The following GPR139 variants were observed in gnomAD, a reference collection of about 807,000 sequenced individuals.
GPR139 encodes probable G protein-coupled receptor 139.
In GPR139, 12 loss-of-function variants were observed where a neutral mutation model predicts 25.8. The observed-to-expected ratio is 0.47, with a 90% CI of 0.30 to 0.75. GPR139 has a LOEUF of 0.75. GPR139 is among the 30% of genes least tolerant of loss of function. GPR139 has a pLI of 0.07. For missense variants in GPR139, 380 were observed against 450.2 expected (o/e 0.84, Z 1.41); for synonymous variants, 184 against 179.9 (o/e 1.02, Z -0.18).
Position 20,031,971 on chromosome 16 carries a change from G to C in GPR139, c.826C>G (p.Leu276Val). 1 of 1,614,224 alleles carries C rather than the reference G, an allele frequency of 6.2e-7. No homozygotes were observed. The highest frequency in any genetic ancestry group is 8.5e-7 in the Non-Finnish European group (1 of 1,180,042). Residue 276 changes from leucine to valine, a missense_variant, in exon 2 of 2, where the codon CTG (leucine) becomes GTG (valine). Physicochemically the swap from Leu to Val is conservative, Grantham distance 32. Coordinates refer to ENST00000570682, the MANE Select transcript of GPR139 (RefSeq NM_001002911.4). ...AGGAAGAAGTTGATGGCTGTGTTCAGAAGGGCTAGCATGTTGGCAATGTCG... is the reference window on the plus strand; with the variant it reads ...AGGAAGAAGTTGATGGCTGTGTTCACAAGGGCTAGCATGTTGGCAATGTCG... ...MSDIANMLAL[L>V]NTAINFFLYC...
At chr16:20,044,402 C>T (rs933117622) in intron 1 of GPR139, among the ~76,000 whole-genome samples, 4 of 152,200 alleles carry the variant, frequency 2.6e-5, no homozygotes, top group African/African-American at 4.8e-5. Context: ...AGCCATCTTC[C>T]TTCTTAAGAC....
At chr16:20,033,007 C>T (rs1331996608) in intron 1 of GPR139, among the ~76,000 whole-genome samples, 1 of 151,378 alleles carries the variant, frequency 6.6e-6, no homozygotes, top group African/African-American at 2.4e-5. Context: ...CCGCCATTCT[C>T]CTCACACAAC....
At chr16:20,065,291 C>T (rs750917755) in intron 1 of GPR139, among the ~76,000 whole-genome samples, 1 of 152,146 alleles carries the variant, frequency 6.6e-6, no homozygotes, top group African/African-American at 2.4e-5. Context: ...ATTTTTTGAA[C>T]AACTTGGCAA....
intron 1 of GPR139, among the ~76,000 whole-genome samples, chr16:20,052,468 A>G (rs1445499121): frequency 6.6e-6 from 1 of 152,220 alleles, no homozygotes; most frequent in Non-Finnish European, 1.5e-5. Flanking sequence ...CGATTCTATA[A>G]CTTTTTCTTC....
chr16:20,063,625 A>G (rs1008197895), intron 1 of GPR139, among the ~76,000 whole-genome samples: 2 of 152,248 alleles, frequency 1.3e-5, no homozygotes, highest in African/African-American at 4.8e-5. Context: ...AAGAGATTCA[A>G]TGCTACAGAC....
intron 1 of GPR139, among the ~76,000 whole-genome samples, chr16:20,057,337 T>C (rs967601066): frequency 2.6e-5 from 4 of 152,194 alleles, no homozygotes; most frequent in African/African-American, 9.6e-5. Context: ...TAAGGCAACA[T>C]GGAGCAACAT....
At chr16:20,041,197 GGAGGA>G (rs2057331424) in intron 1 of GPR139, among the ~76,000 whole-genome samples, 1 of 216 alleles carries the variant, frequency 4.6e-3, no homozygotes, top group South Asian at 0.083. Context: ...GGAGGGGAGG[GGAGGA>G]GAGGAGAGGA....
chr16:20,060,024 C>A (rs1476062111), intron 1 of GPR139, among the ~76,000 whole-genome samples: 1 of 152,120 alleles, frequency 6.6e-6, no homozygotes, highest in Admixed American at 6.5e-5. Context: ...GGGATGCCCA[C>A]CCCGACCCTC....
chr16:20,040,752 G>A (rs755257591), intron 1 of GPR139, among the ~76,000 whole-genome samples: 5 of 152,076 alleles, frequency 3.3e-5, no homozygotes, highest in Non-Finnish European at 5.9e-5. Context: ...AAGAGCTCAC[G>A]TTGGAGGCTA....
At chr16:20,060,443 C>G (rs1206000524) in intron 1 of GPR139, among the ~76,000 whole-genome samples, 1 of 151,504 alleles carries the variant, frequency 6.6e-6, no homozygotes, top group Non-Finnish European at 1.5e-5. Flanking sequence ...CTGTGTGGGT[C>G]TGCATCTGTG....
chr16:20,067,458 C>G (rs1902816), intron 1 of GPR139, among the ~76,000 whole-genome samples: 5,540 of 152,196 alleles, frequency 0.036, 306 homozygotes, highest in African/African-American at 0.12. Flanking sequence ...TGCCTAAGGA[C>G]GAGTCATGCA....
At chr16:20,043,795 AC>A (rs1444689612) in intron 1 of GPR139, among the ~76,000 whole-genome samples, 1 of 152,166 alleles carries the variant, frequency 6.6e-6, no homozygotes, top group Admixed American at 6.5e-5. Context: ...TGTCACAAAG[AC>A]AGATGGGGTC....
chr16:20,033,171 T>G lies in GPR139; in HGVS notation c.128-502A>C, dbSNP rs560535326. On this transcript the variant is annotated intron_variant, in intron 1 of 1. Transcript: ENST00000570682. ...CCTCACACAACCATGGAAGGTGGTG[T>G]TGCCATTCTCCTCACACAACCATGA... Among the ~76,000 whole-genome samples the G allele has an allele frequency of 3.3e-3, 414 of 126,146 alleles. 3 individuals are homozygous for G. The highest frequency in any genetic ancestry group is 4.0e-3 in the Non-Finnish European group (246 of 61,212). 82.8% of individuals were successfully genotyped at this position (126,146 alleles called of 152,430 possible).
At position 20,058,461 on chromosome 16, in the gene GPR139, T is replaced by C. The variant is rs556218020; in HGVS notation, c.127+15029A>G. Among the ~76,000 whole-genome samples, 5 of 152,196 alleles carry C rather than the reference T, an allele frequency of 3.3e-5. No homozygotes were observed. The South Asian group carries it at 8.3e-4, about 25-fold the overall frequency. On this transcript the variant is annotated intron_variant, in intron 1 of 1. Coordinates refer to ENST00000570682, the MANE Select transcript of GPR139 (RefSeq NM_001002911.4). ...AGAAGCGAGAGAAACAGATCAGGTG[T>C]AAGAAAAATCTTTGTGTTGGTGGAG...
chr16:20,065,030 C>T (rs560824617), intron 1 of GPR139, among the ~76,000 whole-genome samples: 3 of 152,230 alleles, frequency 2.0e-5, no homozygotes, highest in African/African-American at 2.4e-5. Flanking sequence ...TGTTTTTCCT[C>T]GATCCTCCCT....
At chr16:20,062,986 A>G (rs912674994) in intron 1 of GPR139, among the ~76,000 whole-genome samples, 5 of 152,228 alleles carry the variant, frequency 3.3e-5, no homozygotes, top group African/African-American at 1.2e-4. Flanking sequence ...TGTGTGATTG[A>G]AAGAGTAGAT....
At position 20,028,719 on chromosome 16, in the gene GPR139, C is replaced by A. The variant is rs9972722; in HGVS notation, c.*3016G>T. Among the ~76,000 whole-genome samples, 1,803 of 152,268 alleles carry A rather than the reference C, an allele frequency of 0.012. 27 individuals are homozygous for A. The highest frequency in any genetic ancestry group is 0.041 in the African/African-American group (1,699 of 41,550). ...TTTCCTTCCCCATGAGACATTTCAG[C>A]CGTCAAGTTGTTCAATAAAAAGACA... On this transcript the variant is annotated 3_prime_UTR_variant, in exon 2 of 2. Coordinates refer to ENST00000570682, the MANE Select transcript of GPR139 (RefSeq NM_001002911.4).
chr16:20,072,829 G>A (rs1207420633), intron 1 of GPR139, among the ~76,000 whole-genome samples: 4 of 152,190 alleles, frequency 2.6e-5, no homozygotes, highest in Admixed American at 1.3e-4. Context: ...GACCCCCTGA[G>A]GTGGCAGCCA....
Position 20,032,113 on chromosome 16 carries a change from G to A in GPR139, c.684C>T (p.Ala228=). 1 of 1,614,206 alleles carries A rather than the reference G, an allele frequency of 6.2e-7. No homozygotes were observed. Among genetic ancestry groups the A allele is most frequent in the Non-Finnish European group, 8.5e-7 (1 of 1,180,038 alleles). Residue 228 remains alanine (A), a synonymous_variant, in exon 2 of 2, where the codon GCC becomes GCT. Transcript: ENST00000570682. ...AGATGGAGGTAATGGTGAACAAGAT[G>A]GCGGTGGTCTTCCCCGTGGAGTAGC... ...LRGYSTGKTT[A]ILFTITSIFA...
Sources: gnomAD v4.1 joint callset for allele counts (sites outside exome capture counted in the v4.1 genomes callset) on GRCh38, gnomAD v4.1.1 for gene constraint, MANE v1.5 for transcripts, NCBI Gene and HGNC (gene_info 2026-07-23, HGNC 2026-07-21) for gene names.